CHTF18: variants seen among roughly 807,000 people sequenced by gnomAD.
The protein encoded by CHTF18 is chromosome transmission fidelity factor 18, also known as chromosome transmission fidelity protein 18 homolog.
CHTF18 carries 151 observed loss-of-function variants against 113.4 expected under a neutral mutation model. That is an observed-to-expected ratio of 1.33 (90% CI 1.17 to 1.52). The LOEUF (loss-of-function observed/expected upper bound fraction) is 1.52. Among genes scored for constraint, CHTF18 ranks in the 40% most tolerant of loss-of-function variants. The pLI, the probability that CHTF18 is intolerant of heterozygous loss-of-function variation, is 0.00. For missense variants in CHTF18, 1,982 were observed against 1,381.6 expected (o/e 1.43, Z -6.89); for synonymous variants, 916 against 598.8 (o/e 1.53, Z -7.74).
In CHTF18 at chr16:798,037, G is replaced by C; in HGVS notation, c.*62G>C. ...CGCAGAGTGCAGAGACAGGAAGCTG[G>C]AGATGTCTTTATAAAGTCACACCTT... On this transcript the variant is annotated 3_prime_UTR_variant, in exon 22 of 22. Transcript: ENST00000262315. 2 of 1,555,672 alleles carry C rather than the reference G, an allele frequency of 1.3e-6. No individual in the cohort carries two copies. Among genetic ancestry groups the C allele is most frequent in the Non-Finnish European group, 1.7e-6 (2 of 1,149,724 alleles).
At chr16:789,895 T>C (rs2042129932) in intron 4 of CHTF18, 180 bp downstream of exon 4, 1 of 1,374,320 alleles carries the variant, frequency 7.3e-7, no homozygotes, top group African/African-American at 1.4e-5. Flanking sequence ...CCACAGCAGG[T>C]TGCTGTCCAG....
rs755638972 is a variant in CHTF18, at chr16:789,011, A to G, written c.172A>G (p.Arg58Gly). The G allele has an allele frequency of 1.1e-4, 164 of 1,547,840 alleles. 2 individuals carry two copies. Among genetic ancestry groups the G allele is most frequent in the Middle Eastern group, 2.2e-4 (1 of 4,592 alleles). Reference protein sequence around the residue: ...PPRTFEEALARGDAASSPAPA... With the variant: ...PPRTFEEALAGGDAASSPAPA... ...GCGGACGTTCGAGGAGGCCCTTGCC[A>G]GAGGGGACGCGGCCTCCAGTCCCGC... is the stretch of plus-strand genomic sequence containing the variant. The change falls in exon 2 of 22, where the codon AGA (arginine) becomes GGA (glycine). Residue 58 changes from arginine (R) to glycine (G), a missense_variant. Transcript: ENST00000262315.
Position 792,544 on chromosome 16 carries a change from GA to G in CHTF18, c.1433del (p.Glu478GlyfsTer6). On this transcript the variant is annotated frameshift_variant, in exon 11 of 22. Coordinates refer to ENST00000262315, the MANE Select transcript of CHTF18 (RefSeq NM_022092.3). LOFTEE classifies it high-confidence loss of function. ...GGGAGGCGGCCGACGGCGCCGGGCA[GA>G]GGGGGGGCTCCTCATGAGGCCCATT... is the stretch of plus-strand genomic sequence containing the variant. ...PSGGGRRRRA[E>X]GGLLMRPIIC... 1.9e-6 allele frequency: 3 copies of G among 1,596,958 alleles called. No homozygotes were observed. Among genetic ancestry groups the G allele is most frequent in the Non-Finnish European group, 1.7e-6 (2 of 1,175,208 alleles).
rs1006232165 is a variant in CHTF18 at position 794,112 on chromosome 16, G to C, written c.1861G>C (p.Asp621His). The C allele has an allele frequency of 8.7e-6, 14 of 1,612,350 alleles. No individual in the cohort carries two copies. Among genetic ancestry groups the C allele is most frequent in the Non-Finnish European group, 1.2e-5 (14 of 1,179,748 alleles). ...PADTLLLGDGDAGSLTSASQR... is the reference protein window; with the variant it reads ...PADTLLLGDGHAGSLTSASQR... The stretch of plus-strand genomic sequence containing the variant: ...TGACACACTCCTGCTGGGTGACGGG[G>C]ACGCGGGCTCCCTCACCTCCGCCTC... The change falls in exon 15 of 22, where the codon GAC (aspartate) becomes CAC (histidine). Residue 621 changes from aspartate to histidine, a missense_variant. Asp to His is a moderately conservative substitution (Grantham distance 81, BLOSUM62 -1). Transcript: ENST00000262315.
Position 795,845 on chromosome 16 carries a change from T to G in CHTF18, c.2325+11T>G. On this transcript the variant is annotated intron_variant, in intron 17 of 21. Transcript: ENST00000262315. Reference sequence around the variant, plus strand: ...CCCAAGCTCCGCCCCGTGAGTGCCGTCCCCGGGGTGGGGGATTCCCCGCCT... The same window carrying G: ...CCCAAGCTCCGCCCCGTGAGTGCCGGCCCCGGGGTGGGGGATTCCCCGCCT... 1 of 1,608,018 alleles carries G rather than the reference T, an allele frequency of 6.2e-7. No individual in the cohort carries two copies. Among genetic ancestry groups the G allele is most frequent in the Non-Finnish European group, 8.5e-7 (1 of 1,177,726 alleles).
Position 791,292 on chromosome 16 carries a change from C to A in CHTF18, c.1026C>A (p.Gly342=). 1 of 1,610,826 alleles carries A rather than the reference C, an allele frequency of 6.2e-7. No homozygotes were observed. The highest frequency in any genetic ancestry group is 1.1e-5 in the South Asian group (1 of 90,862). ...ARVSKEATAP[G]KWKSHEQVLE... ...TCAGCAAGGAGGCCACAGCCCCAGG[C>A]AAGTGGAAGAGCCACGAACAGGTGC... The change falls in exon 8 of 22, where the codon GGC becomes GGA. Residue 342 remains glycine (G), a synonymous_variant. Transcript: ENST00000262315.
intron 6 of CHTF18, 49 bp downstream of exon 6, chr16:790,448 C>T (rs576643920): frequency 1.2e-6 from 2 of 1,611,112 alleles, no homozygotes; most frequent in South Asian, 1.1e-5. Flanking sequence ...GGCTCTTGCA[C>T]CAACTCCTAG....
chr16:792,992 C>G lies in CHTF18; in HGVS notation c.1599C>G (p.Ala533=). Residue 533 remains alanine (A), a synonymous_variant, in exon 13 of 22, where the codon GCC becomes GCG. Transcript: ENST00000262315. ...QEVSLRQGMR[A]DPGVLAALCE... is the part of the protein sequence containing the mutation. ...TCTCCCTGCGGCAGGGCATGAGGGC[C>G]GACCCAGGGGTGCTGGCCGCCCTCT... The G allele has an allele frequency of 6.4e-7, 1 of 1,562,308 alleles. No homozygotes were observed. The highest frequency in any genetic ancestry group is 1.2e-5 in the South Asian group (1 of 84,692).
Position 796,518 on chromosome 16 carries a change from A to G in CHTF18, c.2457-199A>G, listed in dbSNP as rs533128737. 111 of 621,320 alleles carry G rather than the reference A, an allele frequency of 1.8e-4. No individual in the cohort carries two copies. In the African/African-American group the frequency reaches 2.0e-3, roughly 11 times the overall value. The allele number at this position is 621,320 out of a possible 1,614,324, so 38.5% of individuals were successfully genotyped here. ...CAGGTTTCATCATCATCCCACGTACACTTGCAGTTGGGGAAACTGAGGCTC... is the reference window on the plus strand; with the variant it reads ...CAGGTTTCATCATCATCCCACGTACGCTTGCAGTTGGGGAAACTGAGGCTC... On this transcript the variant is annotated intron_variant, in intron 18 of 21. Transcript: ENST00000262315.
In CHTF18 at chr16:790,292, G is replaced by A. The variant is rs543803181; in HGVS notation, c.699+23G>A. ...GAGGTAGGGGCTGCGGGTTTGCTGG[G>A]GGGCGGTGGCGGGGCCGCCTGAGCC... On this transcript the variant is annotated intron_variant, in intron 5 of 21. Transcript: ENST00000262315. The A allele has an allele frequency of 9.3e-6, 15 of 1,609,032 alleles. No homozygotes were observed. The South Asian group carries it at 1.3e-4, about 14-fold the overall frequency.
Position 791,865 on chromosome 16 carries a change from T to G in CHTF18, c.1119T>G (p.Cys373Trp). 6.2e-7 allele frequency: 1 copy of G among 1,606,538 alleles called. No homozygotes were observed. The highest frequency in any genetic ancestry group is 8.5e-7 in the Non-Finnish European group (1 of 1,177,416). ...QRPKQKVALLCGPPGLGKTTL... is the reference protein window; with the variant it reads ...QRPKQKVALLWGPPGLGKTTL... The stretch of plus-strand genomic sequence containing the variant: ...CTGGGCTGCAGGTGGCACTGCTCTG[T>G]GGGCCCCCGGGGCTGGGGAAGACCA... The change falls in exon 9 of 22, where the codon TGT (cysteine) becomes TGG (tryptophan). Residue 373 changes from cysteine to tryptophan, a missense_variant. By Grantham distance (215) the Cys-to-Trp change is radical (BLOSUM62 -2). Transcript: ENST00000262315.
At chr16:797,468 C>T (rs1470227468) in intron 20 of CHTF18, among the ~76,000 whole-genome samples, 7 of 152,126 alleles carry the variant, frequency 4.6e-5, no homozygotes, top group Non-Finnish European at 7.4e-5. Flanking sequence ...GCCTCAGTTT[C>T]CCATCTGGGC....
At chr16:797,162 G>C (rs1211118629) in intron 20 of CHTF18, 70 bp downstream of exon 20, 12 of 1,441,006 alleles carry the variant, frequency 8.3e-6, no homozygotes, top group Non-Finnish European at 1.0e-5. Flanking sequence ...GGGCAGTCAT[G>C]AGGCGGGGCC....
intron 20 of CHTF18, 97 bp from the exon 21 acceptor site, chr16:797,597 T>A (rs2294450): frequency 3.0e-6 from 4 of 1,352,400 alleles, no homozygotes; most frequent in Non-Finnish European, 4.2e-6. Context: ...GGTGTTCTGG[T>A]CCCTCCTCCC....
intron 15 of CHTF18, chr16:794,857 C>T (rs1596765803): frequency 4.1e-6 from 2 of 487,174 alleles, no homozygotes; most frequent in South Asian, 2.4e-5. Context: ...GGGTCACCCC[C>T]TCGTGTCAGT....
At chr16:794,760 T>C in intron 15 of CHTF18, 1 of 285,736 alleles carries the variant, frequency 3.5e-6, no homozygotes, top group Non-Finnish European at 6.7e-6. Context: ...CGCCACGGCC[T>C]GGACTCTGGT....
Position 788,638 on chromosome 16 carries a change from G to A in CHTF18, c.-47G>A, listed in dbSNP as rs1161307906. The A allele has an allele frequency of 7.1e-7, 1 of 1,407,234 alleles. No individual in the cohort carries two copies. The highest frequency in any genetic ancestry group is 9.4e-7 in the Non-Finnish European group (1 of 1,064,874). The allele number at this position is 1,407,234 out of a possible 1,614,324, so 87.2% of individuals were successfully genotyped here. A position where few individuals can be genotyped will look rare whatever the true frequency, so the allele number is the denominator to read the frequency against. The stretch of plus-strand genomic sequence containing the variant: ...TCGGGGCGGGCAGTGCGCGACGGCG[G>A]CGGCGGCGCGGGAGGTTCGGAGCGG... On this transcript the variant is annotated 5_prime_UTR_variant, in exon 1 of 22. Transcript: ENST00000262315.
At position 796,014 on chromosome 16, in the gene CHTF18, C is replaced by A. The variant is rs199902780; in HGVS notation, c.2393C>A (p.Ala798Asp). The A allele has an allele frequency of 2.5e-6, 4 of 1,607,200 alleles. No individual in the cohort carries two copies. In the East Asian group the frequency reaches 9.0e-5, roughly 36 times the overall value. The change falls in exon 18 of 22, where the codon GCT becomes GAT. Residue 798 changes from alanine (A) to aspartate (D), a missense_variant. Transcript: ENST00000262315. ...GCCAGCCTGGTGGGCACGATGCTCGCTTACAGCCTGACCTACCGCCAGGAG... is the reference window on the plus strand; with the variant it reads ...GCCAGCCTGGTGGGCACGATGCTCGATTACAGCCTGACCTACCGCCAGGAG... Reference protein sequence around the residue: ...QLASLVGTMLAYSLTYRQERT... With the variant: ...QLASLVGTMLDYSLTYRQERT...
At chr16:795,070 G>T (rs991600859) in intron 15 of CHTF18, 62 bp from the exon 16 acceptor site, 7 of 1,338,486 alleles carry the variant, frequency 5.2e-6, no homozygotes, top group Non-Finnish European at 7.1e-6. Context: ...GAGGTGGAGG[G>T]TCCGTGGTGG....
Sources: gnomAD v4.1 joint callset for allele counts (sites outside exome capture counted in the v4.1 genomes callset) on GRCh38, gnomAD v4.1.1 for gene constraint, MANE v1.5 for transcripts, NCBI Gene and HGNC (gene_info 2026-07-23, HGNC 2026-07-21) for gene names.